Variants in NACAD observed in about 807,000 individuals in gnomAD.
The protein encoded by NACAD is NAC-alpha domain-containing protein 1.
Under a neutral mutation model 98.9 loss-of-function variants are expected in NACAD, and 47 were observed. That is an observed-to-expected ratio of 0.48 (90% CI 0.38 to 0.61). The LOEUF (loss-of-function observed/expected upper bound fraction) is 0.61, where lower values mean the gene tolerates loss of function less well. Among genes scored for constraint, NACAD ranks in the 20% least tolerant of loss-of-function variants. The pLI, the probability that NACAD is intolerant of heterozygous loss-of-function variation, is 0.00. For missense variants in NACAD, 1,412 were observed against 1,748.2 expected, an observed-to-expected ratio of 0.81 and a Z score of 3.43; for synonymous variants, 696 against 767.2, an observed-to-expected ratio of 0.91 and a Z score of 1.53.
In NACAD at chr7:45,081,191, G is replaced by C. The variant is rs1372972472; in HGVS notation, c.4330C>G (p.Leu1444Val). The C allele has an allele frequency of 3.2e-6, 5 of 1,551,530 alleles. No individual in the cohort carries two copies. In the African/African-American group the frequency reaches 5.5e-5, roughly 17 times the overall value. ...RITIQKSKNI[L>V]FVIAKPDVFK... ...ACATCAGGCTTGGCGATGACAAAGAGGATGTTCTTGGACTTCTGGATGGTG... is the reference window on the plus strand; with the variant it reads ...ACATCAGGCTTGGCGATGACAAAGACGATGTTCTTGGACTTCTGGATGGTG... Residue 1444 changes from leucine (L) to valine (V), a missense_variant, in exon 5 of 8, where the codon CTC becomes GTC. By Grantham distance (32) the Leu-to-Val change is conservative. Coordinates refer to ENST00000490531, the MANE Select transcript of NACAD (RefSeq NM_001146334.2).
rs1031057265 is a variant in NACAD at position 45,085,259 on chromosome 7, G to A, written c.921C>T (p.Pro307=). The A allele has an allele frequency of 2.6e-5, 40 of 1,551,374 alleles. No homozygotes were observed. The highest frequency in any genetic ancestry group is 1.5e-4 in the East Asian group (6 of 40,928). The change falls in exon 2 of 8, where the codon CCC becomes CCT. Residue 307 remains proline (P), a synonymous_variant. Coordinates refer to ENST00000490531, the MANE Select transcript of NACAD (RefSeq NM_001146334.2). The surrounding 1 kb of genome is among the most constrained non-coding windows in gnomAD (Gnocchi z 6.1). ...TGCCCTGGAAGGGTAGGAGGGCTGC[G>A]GGGATCATTGGGTCATTGGCCAGGA... is the stretch of plus-strand genomic sequence containing the variant. ...LDFLANDPMI[P]AALLPFQGSL... is the part of the protein sequence containing the mutation.
At position 45,088,693 on chromosome 7, in the gene NACAD, A is replaced by C; in HGVS notation, c.67+135T>G. On this transcript the variant is annotated intron_variant, in intron 1 of 7. Transcript: ENST00000490531. This position sits in a 1 kb window ranked among gnomAD's most constrained non-coding sequence, Gnocchi z 5.7. Reference sequence around the variant, plus strand: ...GCAGGGTTCAGATGGAGGGAAGGACAGGGCGCGGAAAGGGGAGGGGACTCG... The same window carrying C: ...GCAGGGTTCAGATGGAGGGAAGGACCGGGCGCGGAAAGGGGAGGGGACTCG... 1.9e-6 allele frequency: 1 copy of C among 537,740 alleles called. No homozygotes were observed. 33.3% of individuals were successfully genotyped at this position (537,740 alleles called of 1,614,324 possible). A position where few individuals can be genotyped will look rare whatever the true frequency, so the allele number is the denominator to read the frequency against.
Position 45,084,956 on chromosome 7 carries a change from C to T in NACAD, c.1224G>A (p.Glu408=), listed in dbSNP as rs1784491814. Residue 408 remains glutamate, a synonymous_variant, in exon 2 of 8, where the codon GAG becomes GAA. Transcript: ENST00000490531. ...EADDERLYSG[E]PHAQATLLQD... Reference sequence around the variant, plus strand: ...GGAGCAAAGTGGCCTGGGCATGGGGCTCCCCGCTGTACAGCCTCTCATCAT... The same window carrying T: ...GGAGCAAAGTGGCCTGGGCATGGGGTTCCCCGCTGTACAGCCTCTCATCAT... The T allele has an allele frequency of 1.3e-6, 2 of 1,551,120 alleles. No individual in the cohort carries two copies. The highest frequency in any genetic ancestry group is 2.0e-5 in the Admixed American group (1 of 51,002).
Position 45,081,546 on chromosome 7 carries a change from G to T in NACAD, c.4257+55C>A, listed in dbSNP as rs1370615012. 4 of 1,542,494 alleles carry T rather than the reference G, an allele frequency of 2.6e-6. No individual in the cohort carries two copies. The South Asian group carries it at 4.8e-5, about 18-fold the overall frequency. On this transcript the variant is annotated intron_variant, in intron 4 of 7. Coordinates refer to ENST00000490531, the MANE Select transcript of NACAD (RefSeq NM_001146334.2). ...GGAGTGTGAGGGTCTTGGTAAGGACGTTCCCCACACAGATGGTCCCAGGCC... is the reference window on the plus strand; with the variant it reads ...GGAGTGTGAGGGTCTTGGTAAGGACTTTCCCCACACAGATGGTCCCAGGCC...
Position 45,083,080 on chromosome 7 carries a change from C to T in NACAD, c.3100G>A (p.Ala1034Thr). The change falls in exon 2 of 8, where the codon GCC becomes ACC. Residue 1034 changes from alanine to threonine, a missense_variant. Coordinates refer to ENST00000490531, the MANE Select transcript of NACAD (RefSeq NM_001146334.2). ...GCTATTTCCTCCCCAGCACCAGAGGCCGGCTCAGGGAGACTGAGGGCCTCC... is the reference window on the plus strand; with the variant it reads ...GCTATTTCCTCCCCAGCACCAGAGGTCGGCTCAGGGAGACTGAGGGCCTCC... The part of the protein sequence containing the change: ...GMEALSLPEP[A>T]SGAGEEIAEA... 1 of 1,550,864 alleles carries T rather than the reference C, an allele frequency of 6.4e-7. No individual in the cohort carries two copies. The highest frequency in any genetic ancestry group is 8.7e-7 in the Non-Finnish European group (1 of 1,147,020).
At position 45,085,658 on chromosome 7, in the gene NACAD, G is replaced by A. The variant is rs1364366493; in HGVS notation, c.522C>T (p.Phe174=). Residue 174 remains phenylalanine, a synonymous_variant, in exon 2 of 8, where the codon TTC becomes TTT. Coordinates refer to ENST00000490531, the MANE Select transcript of NACAD (RefSeq NM_001146334.2). The surrounding 1 kb of genome is among the most constrained non-coding windows in gnomAD (Gnocchi z 6.1). Reference sequence around the variant, plus strand: ...TCTTGGTGGGGGTGGAGGGAGGCGTGAAGAAGGAATCAGGGTCTGGGGGAG... The same window carrying A: ...TCTTGGTGGGGGTGGAGGGAGGCGTAAAGAAGGAATCAGGGTCTGGGGGAG... ...PSPPPDPDSF[F]TPPSTPTKTT... is the part of the protein sequence containing the mutation. The A allele has an allele frequency of 6.5e-7, 1 of 1,548,196 alleles. No homozygotes were observed. Among genetic ancestry groups the A allele is most frequent in the African/African-American group, 1.4e-5 (1 of 72,994 alleles).
Position 45,085,702 on chromosome 7 carries a change from C to A in NACAD, c.478G>T (p.Asp160Tyr). Reference protein sequence around the residue: ...DPPPELCSQGDLSVPSPPPDP... With the variant: ...DPPPELCSQGYLSVPSPPPDP... Reference sequence around the variant, plus strand: ...GGGGGAGGGGAAGGCACAGAAAGATCACCCTGAGAACACAGCTCGGGGGGT... The same window carrying A: ...GGGGGAGGGGAAGGCACAGAAAGATAACCCTGAGAACACAGCTCGGGGGGT... The change falls in exon 2 of 8, where the codon GAT becomes TAT. Residue 160 changes from aspartate to tyrosine, a missense_variant. By Grantham distance (160) the Asp-to-Tyr change is radical. Transcript: ENST00000490531. This position sits in a 1 kb window ranked among gnomAD's most constrained non-coding sequence, Gnocchi z 6.1. 6.5e-7 allele frequency: 1 copy of A among 1,550,010 alleles called. No individual in the cohort carries two copies.
chr7:45,082,909 G>C lies in NACAD; in HGVS notation c.3271C>G (p.His1091Asp), dbSNP rs753798641. The change falls in exon 2 of 8, where the codon CAT becomes GAT. Residue 1091 changes from histidine (H) to aspartate (D), a missense_variant. His to Asp is a moderately conservative substitution (Grantham distance 81). Transcript: ENST00000490531. This position sits in a 1 kb window ranked among gnomAD's most constrained non-coding sequence, Gnocchi z 4.5. Reference sequence around the variant, plus strand: ...CCTCCAAGTGCTGACCTGGGTCCATGTTCCTGTGCCAGTGGCTTCAGGCCT... The same window carrying C: ...CCTCCAAGTGCTGACCTGGGTCCATCTTCCTGTGCCAGTGGCTTCAGGCCT... The part of the protein sequence containing the change: ...EGGLKPLAQE[H>D]GPRSALGGAR... 3.9e-6 allele frequency: 6 copies of C among 1,551,062 alleles called. No homozygotes were observed. The East Asian group carries it at 1.5e-4, about 38-fold the overall frequency.
chr7:45,088,023 G>A lies in NACAD; in HGVS notation c.67+805C>T, dbSNP rs1376375654. ...CTGCCTCCCACCTAGAGCAGAGGCA[G>A]CAGCCTGTGTCACCCCAAACCAGGC... On this transcript the variant is annotated intron_variant, in intron 1 of 7. Coordinates refer to ENST00000490531, the MANE Select transcript of NACAD (RefSeq NM_001146334.2). This position sits in a 1 kb window ranked among gnomAD's most constrained non-coding sequence, Gnocchi z 5.7. Among the ~76,000 whole-genome samples the A allele has an allele frequency of 6.6e-6, 1 of 152,228 alleles. No individual in the cohort carries two copies. The highest frequency in any genetic ancestry group is 1.5e-5 in the Non-Finnish European group (1 of 68,038).
intron 6 of NACAD, 52 bp from the exon 7 acceptor site, chr7:45,080,814 C>T: frequency 2.6e-6 from 4 of 1,549,524 alleles, no homozygotes; most frequent in Non-Finnish European, 3.5e-6. Context: ...GTCCCTGGGG[C>T]AGAGCCCCCA....
At position 45,086,045 on chromosome 7, in the gene NACAD, C is replaced by T; in HGVS notation, c.135G>A (p.Leu45=). Residue 45 remains leucine, a synonymous_variant, in exon 2 of 8, where the codon CTG becomes CTA. Coordinates refer to ENST00000490531, the MANE Select transcript of NACAD (RefSeq NM_001146334.2). ...LGGDRREPCA[L]TPGPSHLALT... is the part of the protein sequence containing the mutation. ...GGGCCAGGTGGCTGGGCCCTGGGGT[C>T]AGAGCACAGGGCTCCCGCCGGTCCC... 1.3e-6 allele frequency: 2 copies of T among 1,535,602 alleles called. No homozygotes were observed. Among genetic ancestry groups the T allele is most frequent in the Non-Finnish European group, 1.7e-6 (2 of 1,146,498 alleles).
chr7:45,084,188 C>A lies in NACAD; in HGVS notation c.1992G>T (p.Thr664=). ...CCTCTTCAGCCTGCTGGGACACAAGCGTGGCTGCAGCCACAGGCTTTGGGG... is the reference window on the plus strand; with the variant it reads ...CCTCTTCAGCCTGCTGGGACACAAGAGTGGCTGCAGCCACAGGCTTTGGGG... The part of the protein sequence containing the change: ...SSAPKPVAAA[T]LVSQQAEEGL... The change falls in exon 2 of 8, where the codon ACG becomes ACT. Residue 664 remains threonine, a synonymous_variant. Transcript: ENST00000490531. The A allele has an allele frequency of 1.4e-5, 15 of 1,084,738 alleles. 2 individuals carry two copies. Among genetic ancestry groups the A allele is most frequent in the Non-Finnish European group, 1.6e-5 (14 of 864,980 alleles). 67.2% of individuals were successfully genotyped at this position (1,084,738 alleles called of 1,614,324 possible).
chr7:45,082,566 A>G lies in NACAD; in HGVS notation c.3614T>C (p.Leu1205Ser). The G allele has an allele frequency of 6.5e-7, 1 of 1,546,990 alleles. No individual in the cohort carries two copies. Among genetic ancestry groups the G allele is most frequent in the Non-Finnish European group, 8.7e-7 (1 of 1,145,294 alleles). Residue 1205 changes from leucine (L) to serine (S), a missense_variant, in exon 2 of 8, where the codon TTG (leucine) becomes TCG (serine). This residue lies in a region of NACAD where 572 missense variants were observed against 639.6 expected (regional missense o/e 0.89). Transcript: ENST00000490531. This position sits in a 1 kb window ranked among gnomAD's most constrained non-coding sequence, Gnocchi z 4.5. ...HEVPSVLGTP[L>S]LQPPENLAKG... ...GGCAAGGTTTTCTGGGGGCTGCAGC[A>G]AGGGGGTGCCAAGGACACTGGGTAC...
rs1436449970 is a variant in NACAD at position 45,082,370 on chromosome 7, G to T, written c.3810C>A (p.Leu1270=). ...EDEEPPGSLG[L]PPPQAGVQPA... ...GCTGGACTCCTGCCTGGGGCGGTGG[G>T]AGGCCCAGAGAGCCTGGGGGCTCCT... Residue 1270 remains leucine, a synonymous_variant, in exon 2 of 8, where the codon CTC becomes CTA. Transcript: ENST00000490531. The surrounding 1 kb of genome is among the most constrained non-coding windows in gnomAD (Gnocchi z 4.5). 2 of 1,550,134 alleles carry T rather than the reference G, an allele frequency of 1.3e-6. No individual in the cohort carries two copies. Among genetic ancestry groups the T allele is most frequent in the Middle Eastern group, 1.7e-4 (1 of 5,986 alleles).
chr7:45,080,500 G>A lies in NACAD; in HGVS notation c.*9C>T, dbSNP rs748408439. The stretch of plus-strand genomic sequence containing the variant: ...AAGGCGTAGGATGGCTCCAGCTTCC[G>A]GTCAGTGGCTACATGGTCAGTTCCT... On this transcript the variant is annotated 3_prime_UTR_variant, in exon 8 of 8. Transcript: ENST00000490531. 39 of 1,551,328 alleles carry A rather than the reference G, an allele frequency of 2.5e-5. No individual in the cohort carries two copies. The East Asian group carries it at 3.9e-4, about 16-fold the overall frequency.
In NACAD at chr7:45,081,056, C is replaced by T. The variant is rs1784422301; in HGVS notation, c.4405-34G>A. 1.9e-6 allele frequency: 3 copies of T among 1,550,760 alleles called. No individual in the cohort carries two copies. In the East Asian group the frequency reaches 7.3e-5, roughly 38 times the overall value. ...TGGAAGACAGCTGTGTCAGTAGAGC[C>T]TGTCCCCCCCTTGTCCCCTATCCCT... On this transcript the variant is annotated intron_variant, in intron 5 of 7. Coordinates refer to ENST00000490531, the MANE Select transcript of NACAD (RefSeq NM_001146334.2).
chr7:45,081,650 T>C lies in NACAD; in HGVS notation c.4208A>G (p.Glu1403Gly). Residue 1403 changes from glutamate to glycine, a missense_variant, in exon 4 of 8, where the codon GAG becomes GGG. Physicochemically the swap from Glu to Gly is moderately conservative, Grantham distance 98 (BLOSUM62 -2). Coordinates refer to ENST00000490531, the MANE Select transcript of NACAD (RefSeq NM_001146334.2). ...PAQAPAGGSE[E>G]TIAKAKQSRS... Reference sequence around the variant, plus strand: ...ACTCTGCTTGGCTTTGGCGATGGTCTCCTCACTGCCGCCTGCTGGGGCCTG... The same window carrying C: ...ACTCTGCTTGGCTTTGGCGATGGTCCCCTCACTGCCGCCTGCTGGGGCCTG... 1 of 1,551,420 alleles carries C rather than the reference T, an allele frequency of 6.4e-7. No individual in the cohort carries two copies.
chr7:45,082,922 T>C lies in NACAD; in HGVS notation c.3258A>G (p.Pro1086=). Residue 1086 remains proline (P), a synonymous_variant, in exon 2 of 8, where the codon CCA becomes CCG. Transcript: ENST00000490531. This position sits in a 1 kb window ranked among gnomAD's most constrained non-coding sequence, Gnocchi z 4.5. ...ACCTGGGTCCATGTTCCTGTGCCAG[T>C]GGCTTCAGGCCTCCTTCCTGCTGGT... The part of the protein sequence containing the change: ...VENQQEGGLK[P]LAQEHGPRSA... 6.4e-7 allele frequency: 1 copy of C among 1,551,124 alleles called. No individual in the cohort carries two copies. Among genetic ancestry groups the C allele is most frequent in the East Asian group, 2.4e-5 (1 of 40,922 alleles).
chr7:45,084,280 G>A lies in NACAD; in HGVS notation c.1900C>T (p.Leu634Phe), dbSNP rs1387503248. Residue 634 changes from leucine (L) to phenylalanine (F), a missense_variant, in exon 2 of 8, where the codon CTC becomes TTC. Transcript: ENST00000490531. ...TIVSQQAEEG[L>F]TLPQDSVMTP... ...ATAACGGAGTCCTGGGGTAAGGTGA[G>A]GCCCTCTTCAGCCTGCTGGGACACA... is the stretch of plus-strand genomic sequence containing the variant. 2.9e-6 allele frequency: 4 copies of A among 1,372,558 alleles called. No homozygotes were observed. The South Asian group carries it at 5.3e-5, about 18-fold the overall frequency. 85.0% of individuals were successfully genotyped at this position (1,372,558 alleles called of 1,614,324 possible). A position where few individuals can be genotyped will look rare whatever the true frequency, so the allele number is the denominator to read the frequency against.
Sources: allele counts gnomAD v4.1 joint callset (sites outside exome capture counted in the v4.1 genomes callset), GRCh38; gene constraint gnomAD v4.1.1; regional missense constraint gnomAD v4.1.1; non-coding constraint Gnocchi (gnomAD v3.1); transcripts MANE v1.5; gene names NCBI Gene and HGNC (gene_info 2026-07-23, HGNC 2026-07-21).